Variants in NTRK2 observed in about 807,000 individuals in gnomAD.
NTRK2 encodes the protein BDNF/NT-3 growth factors receptor.
In NTRK2, 13 loss-of-function variants were observed where a neutral mutation model predicts 94.5. The observed-to-expected ratio is 0.14, with a 90% CI of 0.09 to 0.22. The LOEUF is 0.22. Ranked by LOEUF, NTRK2 falls within the 10% of genes least tolerant of loss-of-function variation. The probability of loss-of-function intolerance (pLI) is 1.00; values close to 1 mark genes in which losing one functional copy is unlikely to be tolerated. For synonymous variants in NTRK2, 372 were observed against 407.4 expected (o/e 0.91, Z 1.05); for missense variants, 639 against 1,071.2 (o/e 0.60, Z 5.63).
At chr9:84,930,577 T>C (rs1480452226) in intron 14 of NTRK2, among the ~76,000 whole-genome samples, 1 of 152,140 alleles carries the variant, frequency 6.6e-6, no homozygotes, top group East Asian at 1.9e-4. Context: ...GCATCCTTGG[T>C]GCATTGCCGA....
intron 14 of NTRK2, among the ~76,000 whole-genome samples, chr9:84,920,711 A>G (rs2077538964): frequency 6.6e-6 from 1 of 152,164 alleles, no homozygotes; most frequent in Admixed American, 6.5e-5. Context: ...TAGGACTTAC[A>G]TTGCCCTTCA....
chr9:84,794,540 T>G (rs2069076555), intron 12 of NTRK2, among the ~76,000 whole-genome samples: 1 of 152,234 alleles, frequency 6.6e-6, no homozygotes. Flanking sequence ...CTCAGCGGTT[T>G]TCTCATCTCC....
intron 15 of NTRK2, among the ~76,000 whole-genome samples, chr9:84,941,658 TTTA>T (rs1372780091): frequency 2.6e-5 from 4 of 152,152 alleles, no homozygotes; most frequent in African/African-American, 7.2e-5. Context: ...CTAGCAAAAT[TTTA>T]TTGGAAAATT....
chr9:84,873,679 G>T, intron 14 of NTRK2: 5 of 1,054,908 alleles, frequency 4.7e-6, no homozygotes, highest in Non-Finnish European at 4.6e-6. Flanking sequence ...ATTATAAGCC[G>T]CACTGAGATG....
At chr9:84,730,144 G>A (rs2062737465) in intron 9 of NTRK2, among the ~76,000 whole-genome samples, 1 of 151,862 alleles carries the variant, frequency 6.6e-6, no homozygotes, top group Admixed American at 6.6e-5. Context: ...AATTTATTAG[G>A]TCCTTAAAAT....
intron 13 of NTRK2, among the ~76,000 whole-genome samples, chr9:84,864,740 T>C (rs993230457): frequency 2.8e-4 from 37 of 131,940 alleles, no homozygotes; most frequent in African/African-American, 9.1e-4. Context: ...AATTTTCTTT[T>C]TTTTTTTTTT....
chr9:84,812,879 A>G (rs1043311220), intron 12 of NTRK2: 25 of 1,034,152 alleles, frequency 2.4e-5, no homozygotes, highest in Non-Finnish European at 2.9e-5. Flanking sequence ...ATCAAAGATC[A>G]GTTGACATCT....
chr9:84,858,109 T>C (rs1204491599), intron 12 of NTRK2, among the ~76,000 whole-genome samples: 1 of 152,156 alleles, frequency 6.6e-6, no homozygotes, highest in Admixed American at 6.5e-5. Context: ...CAAGTTCTGC[T>C]ACTGTCCCTA....
intron 12 of NTRK2, chr9:84,815,324 G>A (rs201099729): frequency 2.9e-6 from 3 of 1,048,054 alleles, no homozygotes; most frequent in Non-Finnish European, 3.5e-6. Context: ...GGGAAAAAAA[G>A]TGTGAAAAGC....
At chr9:84,683,863 C>T (rs552640730) in intron 2 of NTRK2, among the ~76,000 whole-genome samples, 8 of 152,164 alleles carry the variant, frequency 5.3e-5, no homozygotes, top group Non-Finnish European at 1.2e-4. Context: ...TGCTTCCTGA[C>T]TTTTTAAGAA....
At chr9:84,875,541 C>T in intron 14 of NTRK2, 1 of 1,063,356 alleles carries the variant, frequency 9.4e-7, no homozygotes, top group Non-Finnish European at 1.1e-6. Context: ...AGTTCTTCAC[C>T]CTAGCTAGCT....
intron 12 of NTRK2, among the ~76,000 whole-genome samples, chr9:84,832,126 T>C (rs569472371): frequency 3.8e-4 from 58 of 152,338 alleles, no homozygotes; most frequent in Non-Finnish European, 7.6e-4. Context: ...AATATTCTTG[T>C]ATTCTCTTGT....
chr9:84,914,816 G>A (rs970217428), intron 14 of NTRK2, among the ~76,000 whole-genome samples: 7 of 152,144 alleles, frequency 4.6e-5, no homozygotes, highest in Non-Finnish European at 1.0e-4. Flanking sequence ...AAAATCCAGG[G>A]AATTCACCAC....
intron 12 of NTRK2, among the ~76,000 whole-genome samples, chr9:84,820,243 C>T (rs1329357277): frequency 6.7e-6 from 1 of 148,488 alleles, no homozygotes; most frequent in Non-Finnish European, 1.5e-5. Flanking sequence ...GATCTCTGCT[C>T]ATTGCAACCT....
At chr9:84,728,649 G>A (rs2062627820) in intron 9 of NTRK2, among the ~76,000 whole-genome samples, 1 of 152,122 alleles carries the variant, frequency 6.6e-6, no homozygotes, top group African/African-American at 2.4e-5. Context: ...GTCTTGGACT[G>A]TTTTGCTTAC....
intron 12 of NTRK2, among the ~76,000 whole-genome samples, chr9:84,824,958 T>C (rs532856111): frequency 6.6e-6 from 1 of 151,872 alleles, no homozygotes; most frequent in South Asian, 2.1e-4. Flanking sequence ...CAAACACCTC[T>C]GGATTTTGTG....
Position 84,670,371 on chromosome 9 carries a change from CCTCA to C in NTRK2, c.-372-5_-372-2del. On this transcript the variant is annotated splice_acceptor_variant and splice_polypyrimidine_tract_variant and intron_variant, in intron 1 of 18. Transcript: ENST00000277120. LOFTEE classifies it low-confidence loss of function (5UTR_SPLICE). ...CTCAGTCTTACGCGTGTCTGTTTGTCCTCAGCCTCGAGGTGCATACCGGACCCCC... is the reference window on the plus strand; with the variant it reads ...CTCAGTCTTACGCGTGTCTGTTTGTCGCCTCGAGGTGCATACCGGACCCCC... 2 of 384,134 alleles carry C rather than the reference CCTCA, an allele frequency of 5.2e-6. No individual in the cohort carries two copies. The highest frequency in any genetic ancestry group is 4.8e-6 in the Non-Finnish European group (1 of 208,728). The allele number at this position is 384,134 out of a possible 1,614,324, so 23.8% of individuals were successfully genotyped here. A position where few individuals can be genotyped will look rare whatever the true frequency, so the allele number is the denominator to read the frequency against.
chr9:84,999,779 C>G (rs1830138388), intron 17 of NTRK2, among the ~76,000 whole-genome samples: 1 of 152,194 alleles, frequency 6.6e-6, no homozygotes, highest in Non-Finnish European at 1.5e-5. Context: ...GAGTGGACTT[C>G]CAGCCACACT....
intron 17 of NTRK2, among the ~76,000 whole-genome samples, chr9:84,973,601 G>C (rs1164744437): frequency 1.3e-5 from 2 of 152,124 alleles, no homozygotes; most frequent in Non-Finnish European, 2.9e-5. Flanking sequence ...ACCACCTGTG[G>C]TTACATAAAT....
Sources: allele counts gnomAD v4.1 joint callset (sites outside exome capture counted in the v4.1 genomes callset), GRCh38; gene constraint gnomAD v4.1.1; transcripts MANE v1.5; gene names NCBI Gene and HGNC (gene_info 2026-07-23, HGNC 2026-07-21).